Variants in CDH9 observed in about 807,000 individuals in gnomAD.
The protein encoded by CDH9 is cadherin 9.
A neutral mutation model predicts 70.9 loss-of-function variants in CDH9; 28 were observed. The ratio of observed to expected loss-of-function variants is 0.40; its 90% CI spans 0.29 to 0.54. The LOEUF (loss-of-function observed/expected upper bound fraction) is 0.54. Among genes scored for constraint, CDH9 ranks in the 20% least tolerant of loss-of-function variants. CDH9 has a pLI of 0.59. For missense variants in CDH9, 874 were observed against 984.4 expected (o/e 0.89, Z 1.50); for synonymous variants, 409 against 343.1 (o/e 1.19, Z -2.12).
chr5:27,021,368 A>C (rs1743136143), intron 1 of CDH9, among the ~76,000 whole-genome samples: 1 of 151,852 alleles, frequency 6.6e-6, no homozygotes, highest in Non-Finnish European at 1.5e-5. Context: ...GTTTTTCAAC[A>C]ATCAGAAAAT....
rs1740451635 is a variant in CDH9 at position 26,881,080 on chromosome 5, C to A, written c.*56G>T. 1.4e-6 allele frequency: 2 copies of A among 1,465,920 alleles called. No homozygotes were observed. Among genetic ancestry groups the A allele is most frequent in the South Asian group, 1.4e-5 (1 of 73,188 alleles). The allele number at this position is 1,465,920 out of a possible 1,614,324, so 90.8% of individuals were successfully genotyped here. A position where few individuals can be genotyped will look rare whatever the true frequency, so the allele number is the denominator to read the frequency against. ...TCCCAGGAAGAGAATGCAGGCCACT[C>A]AATCTAATAACATAGACAGTACTTC... On this transcript the variant is annotated 3_prime_UTR_variant, in exon 12 of 12. Coordinates refer to ENST00000231021, the MANE Select transcript of CDH9 (RefSeq NM_016279.4).
intron 2 of CDH9, among the ~76,000 whole-genome samples, chr5:26,941,110 A>T (rs1741655257): frequency 6.6e-6 from 1 of 152,204 alleles, no homozygotes; most frequent in East Asian, 1.9e-4. Context: ...ATGGCTTCAA[A>T]CAACTTAGGA....
intron 1 of CDH9, among the ~76,000 whole-genome samples, chr5:26,994,344 T>C (rs1446543360): frequency 6.6e-6 from 1 of 152,066 alleles, no homozygotes; most frequent in Non-Finnish European, 1.5e-5. Flanking sequence ...GACTAAATAT[T>C]TGTGGCCCAT....
At chr5:26,960,773 G>T (rs1227795939) in intron 2 of CDH9, among the ~76,000 whole-genome samples, 1 of 149,230 alleles carries the variant, frequency 6.7e-6, no homozygotes, top group Non-Finnish European at 1.5e-5. Flanking sequence ...AAATAAATTA[G>T]GTAAAAGTTT....
rs1740470536 is a variant in CDH9, at chr5:26,881,763, A to C, written c.1883-140T>G. 5 of 729,832 alleles carry C rather than the reference A, an allele frequency of 6.9e-6. No homozygotes were observed. The East Asian group carries it at 1.4e-4, about 20-fold the overall frequency. 45.2% of individuals were successfully genotyped at this position (729,832 alleles called of 1,614,324 possible). Reference sequence around the variant, plus strand: ...AGAATTAACTACCCTGTACAAATACAGAGTTCCTCTAGGCAATGACTGGAT... The same window carrying C: ...AGAATTAACTACCCTGTACAAATACCGAGTTCCTCTAGGCAATGACTGGAT... On this transcript the variant is annotated intron_variant, in intron 11 of 11. Transcript: ENST00000231021.
chr5:26,942,317 C>T (rs886296789), intron 2 of CDH9, among the ~76,000 whole-genome samples: 5 of 152,152 alleles, frequency 3.3e-5, no homozygotes, highest in Non-Finnish European at 5.9e-5. Flanking sequence ...TCCCACAACA[C>T]ATGGGGATTG....
chr5:26,884,793 A>G (rs1167561764), intron 11 of CDH9, among the ~76,000 whole-genome samples: 3 of 152,124 alleles, frequency 2.0e-5, no homozygotes, highest in Non-Finnish European at 4.4e-5. Context: ...TTTGGGCTGA[A>G]TATTTGATAG....
chr5:27,024,625 A>C (rs1414175395), intron 1 of CDH9, among the ~76,000 whole-genome samples: 4 of 152,148 alleles, frequency 2.6e-5, no homozygotes, highest in Non-Finnish European at 5.9e-5. Flanking sequence ...CAAGAATAAC[A>C]ATAAACTCTT....
intron 2 of CDH9, among the ~76,000 whole-genome samples, chr5:26,926,326 G>T (rs113309218): frequency 0.11 from 16,823 of 151,964 alleles, 1,645 homozygotes; most frequent in East Asian, 0.5. Flanking sequence ...AATCATGAGT[G>T]AACTCCCATT....
chr5:26,920,057 T>A (rs192705815), intron 2 of CDH9, among the ~76,000 whole-genome samples: 3 of 152,064 alleles, frequency 2.0e-5, no homozygotes, highest in African/African-American at 7.2e-5. Context: ...CACAGTGGGG[T>A]AGAGCACCAA....
At chr5:27,009,181 G>T (rs1742915922) in intron 1 of CDH9, among the ~76,000 whole-genome samples, 1 of 152,162 alleles carries the variant, frequency 6.6e-6, no homozygotes, top group African/African-American at 2.4e-5. Flanking sequence ...TGAAGGATTT[G>T]ATAATTTATA....
chr5:27,030,951 C>G (rs1743300912), intron 1 of CDH9, among the ~76,000 whole-genome samples: 1 of 151,720 alleles, frequency 6.6e-6, no homozygotes, highest in African/African-American at 2.4e-5. Flanking sequence ...ATGCTAACTA[C>G]TAAAAATATC....
chr5:26,939,974 C>A (rs1274168601), intron 2 of CDH9, among the ~76,000 whole-genome samples: 1 of 151,838 alleles, frequency 6.6e-6, no homozygotes, highest in Non-Finnish European at 1.5e-5. Flanking sequence ...AATGGAGAAA[C>A]CCTATCTCTA....
chr5:27,017,659 G>A (rs1334505156), intron 1 of CDH9, among the ~76,000 whole-genome samples: 1 of 151,904 alleles, frequency 6.6e-6, no homozygotes, highest in Non-Finnish European at 1.5e-5. Context: ...TCGTCATCAA[G>A]TTTCACATAA....
At chr5:26,957,133 A>G (rs182246735) in intron 2 of CDH9, among the ~76,000 whole-genome samples, 11 of 151,008 alleles carry the variant, frequency 7.3e-5, no homozygotes, top group Non-Finnish European at 1.2e-4. Context: ...CCTGATTTTT[A>G]TGTATTTTCC....
chr5:27,007,695 T>G (rs1246819499), intron 1 of CDH9, among the ~76,000 whole-genome samples: 1 of 152,112 alleles, frequency 6.6e-6, no homozygotes, highest in African/African-American at 2.4e-5. Context: ...ATAATATTTG[T>G]GTATCTTAAT....
intron 2 of CDH9, among the ~76,000 whole-genome samples, chr5:26,963,062 A>T (rs1452111694): frequency 6.6e-6 from 1 of 152,238 alleles, no homozygotes; most frequent in Admixed American, 6.5e-5. Context: ...CCATGTTAGC[A>T]TTAAACAAGT....
At chr5:27,028,214 C>T (rs1425044115) in intron 1 of CDH9, 1 of 151,636 alleles carries the variant, frequency 6.6e-6, no homozygotes, top group Non-Finnish European at 1.5e-5. Context: ...CCCATCTCTA[C>T]CAAAAAATAC....
At chr5:26,997,228 C>T (rs189107261) in intron 1 of CDH9, among the ~76,000 whole-genome samples, 16 of 151,892 alleles carry the variant, frequency 1.1e-4, no homozygotes, top group Admixed American at 3.3e-4. Context: ...AAACAAGGAT[C>T]GATTGTTTTC....
Sources: gnomAD v4.1 joint callset for allele counts (sites outside exome capture counted in the v4.1 genomes callset) on GRCh38, gnomAD v4.1.1 for gene constraint, MANE v1.5 for transcripts, NCBI Gene and HGNC (gene_info 2026-07-23, HGNC 2026-07-21) for gene names.